Variants in MME observed in about 807,000 individuals in gnomAD.
The protein encoded by MME is neprilysin.
In MME, 98 loss-of-function variants were observed where a neutral mutation model predicts 113.2. The observed-to-expected ratio is 0.87, with a 90% CI of 0.74 to 1.02. The LOEUF (loss-of-function observed/expected upper bound fraction) is 1.02. MME is among the 50% of genes least tolerant of loss of function. The pLI, the probability that MME is intolerant of heterozygous loss-of-function variation, is 0.00. For missense variants in MME, 836 were observed against 896.0 expected (o/e 0.93, Z 0.86); for synonymous variants, 292 against 300.6 (o/e 0.97, Z 0.30).
rs932493139 is a variant in MME, at chr3:155,140,243, T to G, written c.908T>G (p.Met303Arg). 3 of 1,612,862 alleles carry G rather than the reference T, an allele frequency of 1.9e-6. No homozygotes were observed. In the Admixed American group the frequency reaches 5.0e-5, roughly 27 times the overall value. Residue 303 changes from methionine to arginine, a missense_variant, in exon 10 of 23, where the codon ATG becomes AGG. Coordinates refer to ENST00000360490, the MANE Select transcript of MME (RefSeq NM_007289.4). ...RNDPMLLYNK[M>R]TLAQIQNNFS... ...GATCCAATGCTTCTGTATAACAAGA[T>G]GACATTGGCCCAGATCCAAAATAAC...
chr3:155,085,439 A>T (rs77664255), intron 3 of MME: 2,705 of 169,984 alleles, frequency 0.016, 129 homozygotes, highest in East Asian at 0.1. Context: ...AGTGCACCTC[A>T]CTAGGTGGGT....
chr3:155,079,777 G>A (rs1714950107), upstream of MME: 1 of 152,562 alleles, frequency 6.6e-6, no homozygotes, highest in Non-Finnish European at 1.5e-5. Context: ...GTGGGTGCGG[G>A]TCGGAGGGAT....
intron 16 of MME, among the ~76,000 whole-genome samples, chr3:155,159,896 T>A (rs1345531386): frequency 6.6e-6 from 1 of 152,048 alleles, no homozygotes; most frequent in African/African-American, 2.4e-5. Context: ...CAGAGACATA[T>A]TACTCTAAGA....
intron 15 of MME, 42 bp from the exon 16 acceptor site, chr3:155,148,508 A>C: frequency 3.1e-6 from 4 of 1,298,780 alleles, no homozygotes; most frequent in Non-Finnish European, 3.3e-6. Context: ...TTTAGAAGAT[A>C]CCGGTTTTAA....
At chr3:155,088,305 T>A (rs1715950419) in intron 3 of MME, among the ~76,000 whole-genome samples, 1 of 152,020 alleles carries the variant, frequency 6.6e-6, no homozygotes. Flanking sequence ...TGTTGCAAAT[T>A]AGGAAAACCC....
chr3:155,105,023 A>T (rs1157642879), intron 3 of MME, among the ~76,000 whole-genome samples: 2 of 152,104 alleles, frequency 1.3e-5, no homozygotes, highest in Non-Finnish European at 2.9e-5. Context: ...ATTATTATTA[A>T]TAGAATATGT....
intron 3 of MME, among the ~76,000 whole-genome samples, chr3:155,098,399 C>CA (rs1043921735): frequency 2.0e-4 from 30 of 151,856 alleles, no homozygotes; most frequent in African/African-American, 6.8e-4. Context: ...ACTAAAAATA[C>CA]AAAAAAATTA....
chr3:155,127,184 T>C (rs1384836220), intron 8 of MME, among the ~76,000 whole-genome samples: 1 of 152,008 alleles, frequency 6.6e-6, no homozygotes, highest in Admixed American at 6.6e-5. Flanking sequence ...ATACAGTAGC[T>C]CAAACAAGAA....
chr3:155,066,104 T>C (rs1576679885), intron 1 of MME, among the ~76,000 whole-genome samples: 1 of 152,230 alleles, frequency 6.6e-6, no homozygotes, highest in African/African-American at 2.4e-5. Flanking sequence ...GAAATGAAGC[T>C]AAGGTTTACA....
intron 3 of MME, among the ~76,000 whole-genome samples, chr3:155,093,504 T>A (rs1716467590): frequency 6.6e-6 from 1 of 151,950 alleles, no homozygotes; most frequent in African/African-American, 2.4e-5. Flanking sequence ...TCTGGAAAAA[T>A]GTGTTGGTTT....
intron 1 of MME, among the ~76,000 whole-genome samples, chr3:155,046,541 T>A (rs1181661058): frequency 1.3e-5 from 2 of 151,846 alleles, no homozygotes; most frequent in East Asian, 1.9e-4. Context: ...TACAAAAAAA[T>A]TAGGTGGGCG....
chr3:155,182,916 G>A lies in MME; in HGVS notation c.*2457G>A, dbSNP rs1713239823. On this transcript the variant is annotated 3_prime_UTR_variant, in exon 23 of 23. Coordinates refer to ENST00000360490, the MANE Select transcript of MME (RefSeq NM_007289.4). ...GTTGAGTTCTGTAGAGCCTTCTGAT[G>A]TCTCTAAAGCACTACCGATTCTTTG... The A allele has an allele frequency of 6.6e-6, 1 of 152,186 alleles. No homozygotes were observed. Among genetic ancestry groups the A allele is most frequent in the East Asian group, 1.9e-4 (1 of 5,192 alleles). 9.4% of individuals were successfully genotyped at this position (152,186 alleles called of 1,614,324 possible).
Position 155,168,803 on chromosome 3 carries a change from TA to T in MME, c.1980+12del, listed in dbSNP as rs761967686. 3.9e-5 allele frequency: 63 copies of T among 1,604,266 alleles called. No individual in the cohort carries two copies. The highest frequency in any genetic ancestry group is 4.5e-5 in the Non-Finnish European group (53 of 1,171,624). ...GTCTTGGTCAAGCATACAGAGTAAG[TA>T]AAAAAGATTTTCTTTCCATTTTAGT... On this transcript the variant is annotated splice_region_variant and intron_variant, in intron 20 of 22. Coordinates refer to ENST00000360490, the MANE Select transcript of MME (RefSeq NM_007289.4).
intron 3 of MME, among the ~76,000 whole-genome samples, 191 bp from the exon 4 acceptor site, chr3:155,114,803 A>G (rs1384270097): frequency 6.6e-6 from 1 of 152,208 alleles, no homozygotes; most frequent in Non-Finnish European, 1.5e-5. Context: ...AAACGAACCA[A>G]CTATAGTGAA....
At chr3:155,092,494 T>A (rs1716379372) in intron 3 of MME, among the ~76,000 whole-genome samples, 1 of 152,192 alleles carries the variant, frequency 6.6e-6, no homozygotes, top group South Asian at 2.1e-4. Context: ...GCAATTCTAC[T>A]CCTAGGTGTT....
intron 1 of MME, among the ~76,000 whole-genome samples, 165 bp downstream of exon 1, chr3:155,080,631 G>C (rs553258140): frequency 7.4e-4 from 113 of 152,124 alleles, no homozygotes; most frequent in South Asian, 4.8e-3. Context: ...AGGGTTGGTC[G>C]GTGCGGGGCT....
At chr3:155,086,655 T>A (rs1213423327) in intron 3 of MME, among the ~76,000 whole-genome samples, 1 of 152,142 alleles carries the variant, frequency 6.6e-6, no homozygotes, top group African/African-American at 2.4e-5. Flanking sequence ...AGGAAGGTGG[T>A]AGCTGAGGGC....
intron 20 of MME, among the ~76,000 whole-genome samples, chr3:155,169,058 G>T (rs78698459): frequency 1.3e-5 from 2 of 152,080 alleles, no homozygotes; most frequent in South Asian, 4.1e-4. Flanking sequence ...GCTGAAATGA[G>T]GAGAGAGCAG....
intron 17 of MME, among the ~76,000 whole-genome samples, chr3:155,160,734 A>G (rs1722657132): frequency 6.6e-6 from 1 of 152,044 alleles, no homozygotes; most frequent in African/African-American, 2.4e-5. Context: ...TTTATTTCTA[A>G]GTACCTTTTT....
Sources: allele counts gnomAD v4.1 joint callset (sites outside exome capture counted in the v4.1 genomes callset), GRCh38; gene constraint gnomAD v4.1.1; transcripts MANE v1.5; gene names NCBI Gene and HGNC (gene_info 2026-07-23, HGNC 2026-07-21).